KIF16B: variants seen among roughly 807,000 people sequenced by gnomAD.
KIF16B encodes kinesin family member 16B.
KIF16B carries 98 observed loss-of-function variants against 156.3 expected under a neutral mutation model. That is an observed-to-expected ratio of 0.63 (90% CI 0.53 to 0.74). The LOEUF is 0.74. KIF16B is among the 30% of genes least tolerant of loss of function. The pLI is 0.00. For missense variants in KIF16B, 1,421 were observed against 1,606.5 expected (o/e 0.88, Z 1.97); for synonymous variants, 564 against 583.7 (o/e 0.97, Z 0.49).
intron 23 of KIF16B, among the ~76,000 whole-genome samples, chr20:16,345,280 A>T (rs2064211507): frequency 6.6e-6 from 1 of 152,186 alleles, no homozygotes; most frequent in Admixed American, 6.5e-5. Context: ...GTTCCTTGGT[A>T]TCCTGATGCT....
At chr20:16,394,252 G>A (rs2065438868) in intron 17 of KIF16B, among the ~76,000 whole-genome samples, 1 of 152,188 alleles carries the variant, frequency 6.6e-6, no homozygotes, top group African/African-American at 2.4e-5. Context: ...AAGACAGATT[G>A]TTCTTTGAAT....
intron 18 of KIF16B, 132 bp downstream of exon 18, chr20:16,381,562 C>T: frequency 2.2e-6 from 1 of 459,984 alleles, no homozygotes; most frequent in Non-Finnish European, 3.6e-6. Flanking sequence ...AGTCATTAGA[C>T]ATGTAAATAA....
At chr20:16,553,335 G>A (rs1468042830) in intron 1 of KIF16B, among the ~76,000 whole-genome samples, 5 of 152,260 alleles carry the variant, frequency 3.3e-5, no homozygotes, top group Admixed American at 6.5e-5. Flanking sequence ...TGACCCCCAC[G>A]CTGTCACGCC....
At chr20:16,496,763 T>C (rs1166744514) in intron 11 of KIF16B, among the ~76,000 whole-genome samples, 1 of 152,200 alleles carries the variant, frequency 6.6e-6, no homozygotes, top group Admixed American at 6.5e-5. Context: ...TAAAATTTCA[T>C]TTAAAAAATA....
Position 16,508,151 on chromosome 20 carries a change from T to C in KIF16B, c.557-51A>G, listed in dbSNP as rs2068845407. 1.9e-6 allele frequency: 3 copies of C among 1,590,688 alleles called. No homozygotes were observed. The African/African-American group carries it at 4.0e-5, about 21-fold the overall frequency. The stretch of plus-strand genomic sequence containing the variant: ...AGAAATCCCCCTAATATATAGGAAA[T>C]GGAATACAAAATTACCCTCTATGAA... On this transcript the variant is annotated intron_variant, in intron 6 of 25. Coordinates refer to ENST00000354981, the MANE Select transcript of KIF16B (RefSeq NM_024704.5).
intron 12 of KIF16B, among the ~76,000 whole-genome samples, chr20:16,442,858 G>A (rs2066840337): frequency 6.6e-6 from 1 of 152,096 alleles, no homozygotes; most frequent in African/African-American, 2.4e-5. Context: ...TGAGAGGGAG[G>A]AAGAAAAGAA....
intron 24 of KIF16B, 140 bp downstream of exon 24, chr20:16,335,786 T>C (rs1015291953): frequency 2.9e-5 from 14 of 490,830 alleles, no homozygotes; most frequent in Non-Finnish European, 2.5e-5. Flanking sequence ...AAATGGGTTA[T>C]TGAAGTAAGA....
chr20:16,495,723 A>T (rs76865709), intron 11 of KIF16B, among the ~76,000 whole-genome samples: 17,490 of 152,014 alleles, frequency 0.12, 1,294 homozygotes, highest in Non-Finnish European at 0.17. Context: ...GGGGTCTCAC[A>T]CTGTTGCCTG....
rs758133024 is a variant in KIF16B at position 16,504,441 on chromosome 20, G to A, written c.1107C>T (p.Asn369=). 83 of 1,613,980 alleles carry A rather than the reference G, an allele frequency of 5.1e-5. No individual in the cohort carries two copies. The highest frequency in any genetic ancestry group is 2.0e-4 in the East Asian group (9 of 44,882). ...INKPTINEDA[N]VKLIRELRAE... is the part of the protein sequence containing the mutation. ...CTCGCAGCTCACGGATAAGTTTGAC[G>A]TTGGCATCCTCATTAATGGTAGGCT... The change falls in exon 10 of 26, where the codon AAC becomes AAT. Residue 369 remains asparagine (N), a synonymous_variant. Transcript: ENST00000354981.
Position 16,379,133 on chromosome 20 carries a change from C to A in KIF16B, c.2869G>T (p.Ala957Ser), listed in dbSNP as rs1327282496. 1 of 1,614,208 alleles carries A rather than the reference C, an allele frequency of 6.2e-7. No individual in the cohort carries two copies. Among genetic ancestry groups the A allele is most frequent in the South Asian group, 1.1e-5 (1 of 91,082 alleles). Residue 957 changes from alanine to serine, a missense_variant, in exon 19 of 26, where the codon GCA becomes TCA. Coordinates refer to ENST00000354981, the MANE Select transcript of KIF16B (RefSeq NM_024704.5). ...KEMEEKEEQL[A>S]QYQANANQLQ... is the part of the protein sequence containing the mutation. ...TGGTTTGCATTGGCCTGGTACTGTG[C>A]AAGCTGTTCTTCTTTTTCTTCCATT...
At chr20:16,569,936 T>C (rs1292875215) in intron 1 of KIF16B, among the ~76,000 whole-genome samples, 1 of 152,172 alleles carries the variant, frequency 6.6e-6, no homozygotes, top group African/African-American at 2.4e-5. Context: ...GTATCAGTGT[T>C]AGGTTTCTTA....
rs1248988285 is a variant in KIF16B, at chr20:16,379,495, A to G, written c.2507T>C (p.Leu836Pro). 5.6e-6 allele frequency: 9 copies of G among 1,614,038 alleles called. No homozygotes were observed. Among genetic ancestry groups the G allele is most frequent in the Non-Finnish European group, 7.6e-6 (9 of 1,180,046 alleles). ...AACCAGGTCCTTCTCCAAGTTCACTAGCTTGACAAGCTGCCTTCTCTTGAA... is the reference window on the plus strand; with the variant it reads ...AACCAGGTCCTTCTCCAAGTTCACTGGCTTGACAAGCTGCCTTCTCTTGAA... Reference protein sequence around the residue: ...FEFKRRQLVKLVNLEKDLVQQ... With the variant: ...FEFKRRQLVKPVNLEKDLVQQ... The change falls in exon 19 of 26, where the codon CTA becomes CCA. Residue 836 changes from leucine (L) to proline (P), a missense_variant. By Grantham distance (98) the Leu-to-Pro change is moderately conservative. Coordinates refer to ENST00000354981, the MANE Select transcript of KIF16B (RefSeq NM_024704.5).
intron 22 of KIF16B, among the ~76,000 whole-genome samples, chr20:16,363,470 T>A (rs1046148505): frequency 6.6e-6 from 1 of 152,212 alleles, no homozygotes; most frequent in Admixed American, 6.5e-5. Flanking sequence ...AATACATCCA[T>A]GGAAAATTAA....
chr20:16,536,616 TAGG>T (rs2069976015), intron 1 of KIF16B, among the ~76,000 whole-genome samples: 1 of 152,198 alleles, frequency 6.6e-6, no homozygotes, highest in Non-Finnish European at 1.5e-5. Flanking sequence ...AAAAAATGTT[TAGG>T]AGAAGTAAAA....
chr20:16,563,211 C>CG, intron 1 of KIF16B, among the ~76,000 whole-genome samples: 2 of 152,238 alleles, frequency 1.3e-5, no homozygotes, highest in South Asian at 4.1e-4. Context: ...TAGGAGTGAC[C>CG]GAAGGCAAGC....
At position 16,515,590 on chromosome 20, in the gene KIF16B, C is replaced by G. The variant is rs200883010; in HGVS notation, c.306G>C (p.Gly102=). 477 of 1,611,840 alleles carry G rather than the reference C, an allele frequency of 3.0e-4. 2 individuals carry two copies. The Middle Eastern group carries it at 6.6e-3, about 22-fold the overall frequency. The change falls in exon 4 of 26, where the codon GGG becomes GGC. Residue 102 remains glycine, a synonymous_variant. Transcript: ENST00000354981. ...TGTATGACTTTCCAGATCCAGTTTG[C>G]CCATATGCAAAGACACAAGCATTAT... The part of the protein sequence containing the change: ...EGYNACVFAY[G]QTGSGKSYTM...
chr20:16,526,205 T>TA lies in KIF16B; in HGVS notation c.118-1_118insT (p.Ile40TyrfsTer20). ...GAGTCCCCAGTGCCTCCTTCTGGTA[T>TA]CTAGAAAGAAATGATTAGAATAATA... On this transcript the variant is annotated frameshift_variant and splice_region_variant. Transcript: ENST00000354981. LOFTEE classifies it high-confidence loss of function. 6.6e-7 allele frequency: 1 copy of TA among 1,522,834 alleles called. No homozygotes were observed. The highest frequency in any genetic ancestry group is 9.0e-7 in the Non-Finnish European group (1 of 1,112,170). 94.3% of individuals were successfully genotyped at this position (1,522,834 alleles called of 1,614,324 possible).
intron 4 of KIF16B, among the ~76,000 whole-genome samples, chr20:16,514,867 C>T (rs998921991): frequency 3.6e-5 from 4 of 111,998 alleles, no homozygotes; most frequent in African/African-American, 1.4e-4. Flanking sequence ...GCCTGGGCGA[C>T]GGAGTGAGAT....
intron 20 of KIF16B, among the ~76,000 whole-genome samples, chr20:16,373,529 T>A (rs1346026802): frequency 1.3e-5 from 2 of 152,092 alleles, no homozygotes; most frequent in Non-Finnish European, 2.9e-5. Flanking sequence ...TTAACTAAAG[T>A]AACATCAGAT....
Sources: gnomAD v4.1 joint callset for allele counts (sites outside exome capture counted in the v4.1 genomes callset) on GRCh38, gnomAD v4.1.1 for gene constraint, MANE v1.5 for transcripts, NCBI Gene and HGNC (gene_info 2026-07-23, HGNC 2026-07-21) for gene names.